Variants in GABBR2 observed in about 807,000 individuals in gnomAD.
GABBR2 encodes the protein G-protein coupled receptor 51.
Under a neutral mutation model 105.6 loss-of-function variants are expected in GABBR2, and 23 were observed. The observed-to-expected ratio is 0.22, with a 90% CI of 0.16 to 0.31. GABBR2 has a LOEUF of 0.31. Among genes scored for constraint, GABBR2 ranks in the 10% least tolerant of loss-of-function variants. The probability of loss-of-function intolerance (pLI) is 1.00; values close to 1 mark genes in which losing one functional copy is unlikely to be tolerated. For missense variants in GABBR2, 734 were observed against 1,245.5 expected, an observed-to-expected ratio of 0.59 and a Z score of 6.18; for synonymous variants, 478 against 499.7, an observed-to-expected ratio of 0.96 and a Z score of 0.58.
chr9:98,386,212 GTTTT>G (rs201485919), intron 10 of GABBR2, among the ~76,000 whole-genome samples: 3 of 136,472 alleles, frequency 2.2e-5, no homozygotes, highest in African/African-American at 5.4e-5. Flanking sequence ...AAGTCAACAG[GTTTT>G]TTTTTTTTTT....
At chr9:98,515,135 G>A (rs1827732803) in intron 3 of GABBR2, among the ~76,000 whole-genome samples, 1 of 152,168 alleles carries the variant, frequency 6.6e-6, no homozygotes, top group Non-Finnish European at 1.5e-5. Context: ...GCAAGCAGAG[G>A]TGGGTTGCAC....
intron 3 of GABBR2, among the ~76,000 whole-genome samples, chr9:98,539,469 G>A (rs1452267218): frequency 1.3e-5 from 2 of 152,182 alleles, no homozygotes; most frequent in African/African-American, 4.8e-5. Context: ...TGACTTTTCT[G>A]TGAACAATCT....
intron 1 of GABBR2, among the ~76,000 whole-genome samples, chr9:98,603,618 C>A (rs1443270654): frequency 6.6e-6 from 1 of 152,170 alleles, no homozygotes; most frequent in African/African-American, 2.4e-5. Flanking sequence ...CTGGGCCTGG[C>A]ACACAAGTCA....
At chr9:98,470,579 G>A (rs955991793) in intron 6 of GABBR2, among the ~76,000 whole-genome samples, 2 of 152,128 alleles carry the variant, frequency 1.3e-5, no homozygotes, top group East Asian at 1.9e-4. Context: ...GGGTGGGGAC[G>A]CAGAGCTAAA....
chr9:98,311,031 C>A (rs763744325), intron 14 of GABBR2, 64 bp downstream of exon 14: 226 of 882,486 alleles, frequency 2.6e-4, no homozygotes, highest in Non-Finnish European at 3.7e-4. Context: ...ATGGAGGCCC[C>A]TGGGAGACAG....
intron 2 of GABBR2, among the ~76,000 whole-genome samples, chr9:98,545,770 T>C (rs375964185): frequency 1.3e-5 from 2 of 152,308 alleles, no homozygotes; most frequent in South Asian, 2.1e-4. Context: ...AACCCGGGTC[T>C]ATAGGACCCT....
chr9:98,478,746 G>C (rs1179510971), intron 5 of GABBR2, among the ~76,000 whole-genome samples: 1 of 152,184 alleles, frequency 6.6e-6, no homozygotes, highest in Admixed American at 6.5e-5. Flanking sequence ...GTCACACCTG[G>C]GCTTTGATTT....
intron 4 of GABBR2, among the ~76,000 whole-genome samples, chr9:98,482,539 G>C (rs1826947446): frequency 6.6e-6 from 1 of 152,142 alleles, no homozygotes; most frequent in Admixed American, 6.5e-5. Flanking sequence ...GCTGCTGACA[G>C]TACCCATGCA....
intron 1 of GABBR2, among the ~76,000 whole-genome samples, chr9:98,695,426 A>G (rs1406070798): frequency 2.0e-5 from 3 of 152,140 alleles, no homozygotes; most frequent in Non-Finnish European, 4.4e-5. Flanking sequence ...TTCACCACTG[A>G]GCTCTCAGCG....
intron 3 of GABBR2, among the ~76,000 whole-genome samples, chr9:98,505,447 T>TGTGTGTGTGTGC (rs1554712626): frequency 2.4e-4 from 37 of 151,742 alleles, no homozygotes; most frequent in Non-Finnish European, 4.0e-4. Context: ...TGTGTGTGTG[T>TGTGTGTGTGTGC]GTGTGTGTGT....
In GABBR2 at chr9:98,423,330, T is replaced by C. The variant is rs1191562603; in HGVS notation, c.1237-17189A>G. Among the ~76,000 whole-genome samples, 4 of 152,378 alleles carry C rather than the reference T, an allele frequency of 2.6e-5. No homozygotes were observed. The South Asian group carries it at 6.2e-4, about 24-fold the overall frequency. ...ACTGGTGTGAGATGGTATCTCATTG[T>C]GGTTTTGATTTGCATTTCTCTGATG... On this transcript the variant is annotated intron_variant, in intron 7 of 18. Transcript: ENST00000259455.
chr9:98,352,413 G>C (rs1007159114), intron 13 of GABBR2, among the ~76,000 whole-genome samples: 1 of 152,200 alleles, frequency 6.6e-6, no homozygotes, highest in Non-Finnish European at 1.5e-5. Flanking sequence ...AGTGATAATG[G>C]TTGGGTGGGT....
At chr9:98,401,923 C>T (rs2131522087) in intron 8 of GABBR2, among the ~76,000 whole-genome samples, 1 of 152,260 alleles carries the variant, frequency 6.6e-6, no homozygotes, top group East Asian at 1.9e-4. Context: ...AGGAAATGCG[C>T]ACTGAATACA....
At chr9:98,641,760 C>G (rs1007061034) in intron 1 of GABBR2, among the ~76,000 whole-genome samples, 1 of 152,112 alleles carries the variant, frequency 6.6e-6, no homozygotes, top group African/African-American at 2.4e-5. Flanking sequence ...CAAACAAGAC[C>G]GTGAGCTCCT....
At chr9:98,510,192 A>T (rs1476500388) in intron 3 of GABBR2, among the ~76,000 whole-genome samples, 2 of 152,246 alleles carry the variant, frequency 1.3e-5, no homozygotes, top group African/African-American at 4.8e-5. Context: ...TGAAGAAGAA[A>T]TAAAATCCTT....
chr9:98,651,148 T>G (rs201775373), intron 1 of GABBR2, among the ~76,000 whole-genome samples: 7,464 of 148,560 alleles, frequency 0.05, 575 homozygotes, highest in East Asian at 0.4. Context: ...GGTTTTTTTT[T>G]TTTTTTTTTT....
chr9:98,651,906 A>ACC (rs1830113241), intron 1 of GABBR2, among the ~76,000 whole-genome samples: 1 of 152,220 alleles, frequency 6.6e-6, no homozygotes, highest in Non-Finnish European at 1.5e-5. Context: ...AGGTGTGATC[A>ACC]TGGTTTATAA....
At chr9:98,564,999 G>A (rs1588230723) in intron 2 of GABBR2, among the ~76,000 whole-genome samples, 1 of 152,188 alleles carries the variant, frequency 6.6e-6, no homozygotes. Flanking sequence ...AGGGCATCGT[G>A]CAGTGAGAAC....
chr9:98,677,264 G>A lies in GABBR2; in HGVS notation c.321+31153C>T, dbSNP rs146205385. ...AGACCCAGGCTCTTGACCAAAGGGA[G>A]GTGTCTGGCAAACTGCACACTGGCC... On this transcript the variant is annotated intron_variant, in intron 1 of 18. Coordinates refer to ENST00000259455, the MANE Select transcript of GABBR2 (RefSeq NM_005458.8). Among the ~76,000 whole-genome samples the A allele has an allele frequency of 1.1e-3, 172 of 152,350 alleles. 1 individual carries two copies. The highest frequency in any genetic ancestry group is 1.9e-3 in the Non-Finnish European group (130 of 68,040).
Sources: allele counts gnomAD v4.1 joint callset (sites outside exome capture counted in the v4.1 genomes callset), GRCh38; gene constraint gnomAD v4.1.1; transcripts MANE v1.5; gene names NCBI Gene and HGNC (gene_info 2026-07-23, HGNC 2026-07-21).